The following PKD2L1 variants were observed in gnomAD, a reference collection of about 807,000 sequenced individuals.
The protein encoded by PKD2L1 is polycystin-2-like protein 1.
PKD2L1 carries 77 observed loss-of-function variants against 93.0 expected under a neutral mutation model. That is an observed-to-expected ratio of 0.83 (90% CI 0.69 to 1.00). The LOEUF (loss-of-function observed/expected upper bound fraction) is 1.00, where lower values mean the gene tolerates loss of function less well. PKD2L1 is among the 50% of genes least tolerant of loss of function. PKD2L1 has a pLI of 0.00. For synonymous variants in PKD2L1, 390 were observed against 388.0 expected (o/e 1.01, Z -0.06); for missense variants, 977 against 990.9 (o/e 0.99, Z 0.19).
intron 3 of PKD2L1, 143 bp downstream of exon 3, chr10:100,299,448 C>T (rs1848628281): frequency 1.4e-6 from 1 of 697,264 alleles, no homozygotes; most frequent in Non-Finnish European, 2.5e-6. Context: ...TCTAGACTAA[C>T]CCATTAATTC....
chr10:100,330,126 G>A lies in PKD2L1; in HGVS notation c.-23C>T, dbSNP rs749624431. 1.8e-5 allele frequency: 26 copies of A among 1,428,984 alleles called. No homozygotes were observed. Among genetic ancestry groups the A allele is most frequent in the Admixed American group, 1.2e-4 (6 of 51,264 alleles). The allele number at this position is 1,428,984 out of a possible 1,614,324, so 88.5% of individuals were successfully genotyped here. ...CATGGGGAATGAGGTGGGGGGGCCC[G>A]GTACCCCAGGTGCCCACTCTCAGCT... is the stretch of plus-strand genomic sequence containing the variant. On this transcript the variant is annotated 5_prime_UTR_variant, in exon 1 of 16. Transcript: ENST00000318222.
chr10:100,316,307 G>A (rs1291259063), intron 2 of PKD2L1, among the ~76,000 whole-genome samples: 1 of 152,198 alleles, frequency 6.6e-6, no homozygotes, highest in East Asian at 1.9e-4. Context: ...GGAGTAGCTA[G>A]GATTACCGGC....
chr10:100,289,202 A>G (rs1037781812), intron 14 of PKD2L1, 146 bp from the exon 15 acceptor site: 14 of 580,540 alleles, frequency 2.4e-5, no homozygotes, highest in Admixed American at 5.7e-5. Context: ...GTAACCCCCA[A>G]TGTGATAGTA....
rs1363184378 is a variant in PKD2L1, at chr10:100,297,452, T to G, written c.886A>C (p.Arg296=). The change falls in exon 5 of 16, where the codon AGG becomes CGG. Residue 296 remains arginine, a synonymous_variant. Coordinates refer to ENST00000318222, the MANE Select transcript of PKD2L1 (RefSeq NM_016112.3). ...TCGATGAACACCACTCGAGTGCCCC[T>G]GTCCAGCCACAGCCCCTCCTGAAGG... ...RALQEGLWLD[R]GTRVVFIDFS... is the part of the protein sequence containing the mutation. 1.9e-6 allele frequency: 3 copies of G among 1,614,054 alleles called. No homozygotes were observed. Among genetic ancestry groups the G allele is most frequent in the Non-Finnish European group, 2.5e-6 (3 of 1,180,038 alleles).
At chr10:100,295,362 A>C (rs1303042496) in intron 7 of PKD2L1, among the ~76,000 whole-genome samples, 1 of 149,584 alleles carries the variant, frequency 6.7e-6, no homozygotes, top group Non-Finnish European at 1.5e-5. Flanking sequence ...CAGAAGTTGC[A>C]GTGAGCTGAG....
At chr10:100,292,597 A>G (rs1403125086) in intron 11 of PKD2L1, among the ~76,000 whole-genome samples, 1 of 152,190 alleles carries the variant, frequency 6.6e-6, no homozygotes, top group Non-Finnish European at 1.5e-5. Flanking sequence ...ACTGGGAATC[A>G]GGGAGTGAAT....
chr10:100,297,702 TTGTGTGTGTGTGTG>T (rs60373525), intron 4 of PKD2L1, 96 bp from the exon 5 acceptor site: 177,801 of 606,806 alleles, frequency 0.29, 11,967 homozygotes, highest in East Asian at 0.4. Flanking sequence ...GGTTTACATA[TTGTGTGTGTGTGTG>T]TGTGTGTGTG....
intron 5 of PKD2L1, 83 bp downstream of exon 5, chr10:100,297,298 AG>A: frequency 6.6e-7 from 1 of 1,520,860 alleles, no homozygotes; most frequent in Non-Finnish European, 9.1e-7. Flanking sequence ...ACCACAGGGT[AG>A]GAGTTTAGGG....
At chr10:100,305,905 C>A (rs1490775646) in intron 2 of PKD2L1, among the ~76,000 whole-genome samples, 1 of 152,036 alleles carries the variant, frequency 6.6e-6, no homozygotes, top group Non-Finnish European at 1.5e-5. Flanking sequence ...AATTGCTGGC[C>A]AAGTACAGGG....
rs774189929 is a variant in PKD2L1 at position 100,291,352 on chromosome 10, A to G, written c.1956T>C (p.Ile652=). 1.2e-6 allele frequency: 2 copies of G among 1,614,040 alleles called. No individual in the cohort carries two copies. Among genetic ancestry groups the G allele is most frequent in the Admixed American group, 1.7e-5 (1 of 60,002 alleles). Residue 652 remains isoleucine (I), a synonymous_variant, in exon 12 of 16, where the codon ATT becomes ATC. Transcript: ENST00000318222. The part of the protein sequence containing the change: ...FTKFDRDGNR[I]LDEKEQEKMR... ...TTTTTTCCTGTTCCTTCTCATCCAGAATACGATTCCCATCTCTGTCAAACT... is the reference window on the plus strand; with the variant it reads ...TTTTTTCCTGTTCCTTCTCATCCAGGATACGATTCCCATCTCTGTCAAACT...
Position 100,314,461 on chromosome 10 carries a change from C to T in PKD2L1, c.350-14743G>A, listed in dbSNP as rs117288590. ...GGAAGCAGGCACGGGGACAGCCAGT[C>T]CAGGACCGAGAAGTATCCAGCAAGA... On this transcript the variant is annotated intron_variant, in intron 2 of 15. Coordinates refer to ENST00000318222, the MANE Select transcript of PKD2L1 (RefSeq NM_016112.3). Among the ~76,000 whole-genome samples the T allele has an allele frequency of 1.5e-4, 23 of 152,246 alleles. No homozygotes were observed. The East Asian group carries it at 4.4e-3, about 29-fold the overall frequency.
chr10:100,311,906 G>A (rs966640681), intron 2 of PKD2L1, among the ~76,000 whole-genome samples: 5 of 152,048 alleles, frequency 3.3e-5, no homozygotes, highest in African/African-American at 1.2e-4. Context: ...TTCCTAACCT[G>A]GATAGCTCTG....
Position 100,297,085 on chromosome 10 carries a change from G to A in PKD2L1, c.1080C>T (p.Cys360=), listed in dbSNP as rs150913711. ...FFIVGCEVIF[C]VFIFYYVVEE... Reference sequence around the variant, plus strand: ...CCACCACATAGTAGAAGATGAAGACGCAGAAGATGACCTCACAGCCAACGA... The same window carrying A: ...CCACCACATAGTAGAAGATGAAGACACAGAAGATGACCTCACAGCCAACGA... Residue 360 remains cysteine, a synonymous_variant, in exon 6 of 16, where the codon TGC becomes TGT. Coordinates refer to ENST00000318222, the MANE Select transcript of PKD2L1 (RefSeq NM_016112.3). The A allele has an allele frequency of 2.4e-5, 39 of 1,613,896 alleles. 1 individual carries two copies. The Middle Eastern group carries it at 6.6e-4, about 27-fold the overall frequency.
rs763148938 is a variant in PKD2L1 at position 100,292,993 on chromosome 10, C to A, written c.1835G>T (p.Gly612Val). Reference protein sequence around the residue: ...VSDVQKVLQGGEQEIQFEDFT... With the variant: ...VSDVQKVLQGVEQEIQFEDFT... The stretch of plus-strand genomic sequence containing the variant: ...ATCCTCAAACTGGATCTCCTGCTCC[C>A]CACCCTGCAGGACCTTCTGCACATC... Residue 612 changes from glycine to valine, a missense_variant, in exon 11 of 16, where the codon GGG (glycine) becomes GTG (valine). Coordinates refer to ENST00000318222, the MANE Select transcript of PKD2L1 (RefSeq NM_016112.3). 1.2e-5 allele frequency: 20 copies of A among 1,613,992 alleles called. No homozygotes were observed. Among genetic ancestry groups the A allele is most frequent in the Non-Finnish European group, 1.7e-5 (20 of 1,179,856 alleles).
intron 2 of PKD2L1, among the ~76,000 whole-genome samples, chr10:100,322,195 G>A (rs1457807382): frequency 2.6e-5 from 4 of 152,218 alleles, no homozygotes; most frequent in Admixed American, 6.5e-5. Context: ...ATAACAGCCT[G>A]AGCAACAGAG....
chr10:100,295,300 T>C (rs1390850137), intron 7 of PKD2L1, among the ~76,000 whole-genome samples, 177 bp from the exon 8 acceptor site: 2 of 151,966 alleles, frequency 1.3e-5, no homozygotes, highest in South Asian at 2.1e-4. Flanking sequence ...CACGCACCTG[T>C]AATTCCAGCT....
intron 2 of PKD2L1, among the ~76,000 whole-genome samples, chr10:100,318,749 A>G (rs376117656): frequency 1.2e-3 from 179 of 151,282 alleles, no homozygotes; most frequent in Middle Eastern, 3.4e-3. Flanking sequence ...TCGATCTACT[A>G]ACCTCGTGAT....
Position 100,292,972 on chromosome 10 carries a change from T to G in PKD2L1, c.1856A>C (p.Glu619Ala). 1 of 1,614,130 alleles carries G rather than the reference T, an allele frequency of 6.2e-7. No individual in the cohort carries two copies. Among genetic ancestry groups the G allele is most frequent in the Non-Finnish European group, 8.5e-7 (1 of 1,179,990 alleles). ...CTCCCTTAAGGTGTTGGTGAAATCC[T>G]CAAACTGGATCTCCTGCTCCCCACC... The part of the protein sequence containing the change: ...LQGGEQEIQF[E>A]DFTNTLRELG... Residue 619 changes from glutamate (E) to alanine (A), a missense_variant, in exon 11 of 16, where the codon GAG becomes GCG. Glu to Ala is a moderately radical substitution (Grantham distance 107, BLOSUM62 -1). Coordinates refer to ENST00000318222, the MANE Select transcript of PKD2L1 (RefSeq NM_016112.3).
chr10:100,293,154 T>G (rs938123814), intron 10 of PKD2L1, 85 bp from the exon 11 acceptor site: 1 of 1,586,096 alleles, frequency 6.3e-7, no homozygotes, highest in African/African-American at 1.3e-5. Flanking sequence ...TATGCCAGGC[T>G]TCCAAGGATA....
Sources: gnomAD v4.1 joint callset for allele counts (sites outside exome capture counted in the v4.1 genomes callset) on GRCh38, gnomAD v4.1.1 for gene constraint, MANE v1.5 for transcripts, NCBI Gene and HGNC (gene_info 2026-07-23, HGNC 2026-07-21) for gene names.